The following TMEM135 variants were observed in gnomAD, a reference collection of about 807,000 sequenced individuals.
The protein encoded by TMEM135 is peroxisomal membrane protein 52.
Under a neutral mutation model 60.3 loss-of-function variants are expected in TMEM135, and 30 were observed. The ratio of observed to expected loss-of-function variants is 0.50; its 90% CI spans 0.37 to 0.68. The LOEUF is 0.68. Ranked by LOEUF, TMEM135 falls within the 30% of genes least tolerant of loss-of-function variation. The probability of loss-of-function intolerance (pLI) is 0.00; values close to 1 mark genes in which losing one functional copy is unlikely to be tolerated. For synonymous variants in TMEM135, 190 were observed against 186.7 expected (o/e 1.02, Z -0.14); for missense variants, 468 against 548.8 (o/e 0.85, Z 1.47).
rs533556449 is a variant in TMEM135 at position 87,261,360 on chromosome 11, CTG to C, written c.509+24678_509+24679del. On this transcript the variant is annotated intron_variant, in intron 6 of 14. Transcript: ENST00000305494. ...TCTATGTGGGTTAGAAATCATGAGTCTGTTAATTATTTAGTAGATGAATTGAT... is the reference window on the plus strand; with the variant it reads ...TCTATGTGGGTTAGAAATCATGAGTCTTAATTATTTAGTAGATGAATTGAT... Among the ~76,000 whole-genome samples, 107 of 152,240 alleles carry C rather than the reference CTG, an allele frequency of 7.0e-4. 2 individuals carry two copies. In the South Asian group the frequency reaches 7.3e-3, roughly 10 times the overall value.
rs1312328672 is a variant in TMEM135 at position 87,149,455 on chromosome 11, G to A, written c.397-7886G>A. 2.0e-5 allele frequency among the ~76,000 whole-genome samples: 3 copies of A among 152,304 alleles called. No homozygotes were observed. The East Asian group carries it at 5.8e-4, about 29-fold the overall frequency. On this transcript the variant is annotated intron_variant, in intron 4 of 14. Transcript: ENST00000305494. The stretch of plus-strand genomic sequence containing the variant: ...AGGGGAAAATTTACACAGTGGGAGA[G>A]GGTCAGGGAAAGGGAGAGGAAGAGA...
chr11:87,133,220 A>G (rs1565455543), intron 4 of TMEM135, among the ~76,000 whole-genome samples: 1 of 152,218 alleles, frequency 6.6e-6, no homozygotes, highest in East Asian at 1.9e-4. Flanking sequence ...GCAGTTGATC[A>G]TGGATAACTG....
chr11:87,115,838 T>C (rs1360271253), intron 4 of TMEM135, among the ~76,000 whole-genome samples: 1 of 152,124 alleles, frequency 6.6e-6, no homozygotes, highest in African/African-American at 2.4e-5. Flanking sequence ...GGGCTGATCA[T>C]GTTTGAATCT....
At chr11:87,150,358 C>A (rs2135258149) in intron 4 of TMEM135, among the ~76,000 whole-genome samples, 1 of 152,272 alleles carries the variant, frequency 6.6e-6, no homozygotes, top group East Asian at 1.9e-4. Flanking sequence ...CTTATTTCCT[C>A]TGTTGCTTCG....
At chr11:87,247,306 A>G (rs1941303801) in intron 6 of TMEM135, among the ~76,000 whole-genome samples, 1 of 152,214 alleles carries the variant, frequency 6.6e-6, no homozygotes, top group Non-Finnish European at 1.5e-5. Flanking sequence ...GTCAGGGGTC[A>G]GGGACCCACT....
intron 6 of TMEM135, among the ~76,000 whole-genome samples, chr11:87,260,487 C>T (rs7935859): frequency 0.35 from 53,709 of 151,974 alleles, 10,047 homozygotes; most frequent in Non-Finnish European, 0.42. Flanking sequence ...GCTAAGAAGT[C>T]TATAATCATT....
In TMEM135 at chr11:87,324,489, A is replaced by G. The variant is rs1279768895; in HGVS notation, c.*3156A>G. ...CGGGTTGGAGTACAGTGGTGCAATC[A>G]TAGCTCATTGAAACCTCAAATTCCT... On this transcript the variant is annotated 3_prime_UTR_variant, in exon 15 of 15. Transcript: ENST00000305494. 2 of 453,528 alleles carry G rather than the reference A, an allele frequency of 4.4e-6. No homozygotes were observed. The highest frequency in any genetic ancestry group is 1.6e-5 in the South Asian group (1 of 64,350). The allele number at this position is 453,528 out of a possible 1,614,324, so 28.1% of individuals were successfully genotyped here.
At chr11:87,311,756 T>C (rs1460441427) in intron 10 of TMEM135, among the ~76,000 whole-genome samples, 2 of 152,066 alleles carry the variant, frequency 1.3e-5, no homozygotes, top group Non-Finnish European at 2.9e-5. Context: ...AGTATCTTTA[T>C]AAGAATCTTA....
At chr11:87,239,745 A>G (rs1941088173) in intron 6 of TMEM135, among the ~76,000 whole-genome samples, 1 of 93,262 alleles carries the variant, frequency 1.1e-5, no homozygotes, top group African/African-American at 4.4e-5. Flanking sequence ...AAAAGAAAAT[A>G]TGCCAGTTTT....
chr11:87,276,744 C>T (rs1189174237), intron 6 of TMEM135, among the ~76,000 whole-genome samples: 2 of 146,336 alleles, frequency 1.4e-5, no homozygotes, highest in African/African-American at 5.1e-5. Flanking sequence ...TCTCGACTCA[C>T]TGCAACCTCT....
intron 5 of TMEM135, chr11:87,178,526 A>G (rs1939439187): frequency 4.4e-6 from 2 of 456,004 alleles, no homozygotes; most frequent in Non-Finnish European, 8.8e-6. Flanking sequence ...CCCAGGTTCA[A>G]GGGATTCTCC....
In TMEM135 at chr11:87,327,996, T is replaced by G. The variant is rs1942939368; in HGVS notation, c.*6663T>G. 6.6e-6 allele frequency: 3 copies of G among 453,856 alleles called. No individual in the cohort carries two copies. The Admixed American group carries it at 7.1e-5, about 11-fold the overall frequency. The allele number at this position is 453,856 out of a possible 1,614,324, so 28.1% of individuals were successfully genotyped here. On this transcript the variant is annotated 3_prime_UTR_variant, in exon 15 of 15. Transcript: ENST00000305494. Reference sequence around the variant, plus strand: ...TAGTCCACGCTAACTCACATGCCAATCTCCTCTGGAAACACCCTCACAGAC... The same window carrying G: ...TAGTCCACGCTAACTCACATGCCAAGCTCCTCTGGAAACACCCTCACAGAC...
At chr11:87,083,264 A>G (rs1857027730) in intron 3 of TMEM135, among the ~76,000 whole-genome samples, 1 of 152,184 alleles carries the variant, frequency 6.6e-6, no homozygotes, top group African/African-American at 2.4e-5. Context: ...ATAGTAACTC[A>G]GTAGGAAGCA....
intron 4 of TMEM135, among the ~76,000 whole-genome samples, chr11:87,155,465 G>A (rs605456): frequency 0.13 from 19,591 of 152,158 alleles, 1,335 homozygotes; most frequent in Middle Eastern, 0.15. Context: ...ATATGGTAGA[G>A]GTAAAGGTCT....
chr11:87,250,076 A>C (rs1163495303), intron 6 of TMEM135, among the ~76,000 whole-genome samples: 1 of 152,126 alleles, frequency 6.6e-6, no homozygotes, highest in East Asian at 1.9e-4. Flanking sequence ...AAGGTATTCC[A>C]ATTTATTGGC....
intron 4 of TMEM135, chr11:87,096,171 C>G: frequency 3.8e-6 from 1 of 266,284 alleles, no homozygotes; most frequent in Non-Finnish European, 6.9e-6. Flanking sequence ...ACTTGGAAAA[C>G]TAGCAAAAGT....
chr11:87,159,967 A>G (rs149966948), intron 5 of TMEM135, among the ~76,000 whole-genome samples: 130 of 152,290 alleles, frequency 8.5e-4, no homozygotes, highest in Admixed American at 2.7e-3. Context: ...ATGCTAAGGG[A>G]GGAGAGCAGC....
chr11:87,068,604 A>G (rs1290121381), intron 2 of TMEM135, among the ~76,000 whole-genome samples: 2 of 151,756 alleles, frequency 1.3e-5, no homozygotes, highest in Admixed American at 6.6e-5. Flanking sequence ...AGGTCAGGAG[A>G]TCGAGGCCAT....
At chr11:87,248,220 A>G (rs1312758879) in intron 6 of TMEM135, among the ~76,000 whole-genome samples, 1 of 152,188 alleles carries the variant, frequency 6.6e-6, no homozygotes, top group Non-Finnish European at 1.5e-5. Context: ...TACACCTAGC[A>G]GTGAGATTGC....
Sources: allele counts gnomAD v4.1 joint callset (sites outside exome capture counted in the v4.1 genomes callset), GRCh38; gene constraint gnomAD v4.1.1; transcripts MANE v1.5; gene names NCBI Gene and HGNC (gene_info 2026-07-23, HGNC 2026-07-21).